LEMD1: variants seen among roughly 807,000 people sequenced by gnomAD.
LEMD1 encodes the protein LEM domain containing 1.
In LEMD1, 18 loss-of-function variants were observed where a neutral mutation model predicts 17.4. The ratio of observed to expected loss-of-function variants is 1.04; its 90% confidence interval spans 0.72 to 1.54. The LOEUF (loss-of-function observed/expected upper bound fraction) is 1.54, where lower values mean the gene tolerates loss of function less well. LEMD1 is among the 40% of genes most tolerant of loss of function. The pLI is 0.00. For synonymous variants in LEMD1, 88 were observed against 77.8 expected (o/e 1.13, Z -0.69); for missense variants, 195 against 210.4 (o/e 0.93, Z 0.45).
intron 4 of LEMD1, among the ~76,000 whole-genome samples, chr1:205,400,852 C>CT (rs1469997081): frequency 1.7e-5 from 2 of 118,944 alleles, no homozygotes; most frequent in African/African-American, 2.9e-5. Flanking sequence ...CTCCCCCCCC[C>CT]CACCCCACAA....
In LEMD1 at chr1:205,418,805, C is replaced by T. The variant is rs541212766; in HGVS notation, c.205+425G>A. 3.3e-5 allele frequency among the ~76,000 whole-genome samples: 5 copies of T among 152,318 alleles called. No individual in the cohort carries two copies. In the East Asian group the frequency reaches 7.7e-4, roughly 23 times the overall value. ...TGCTGGAATTACATGTAGGTGGGAGCCATCAGTGTGGCTCATCTTTCTTAA... is the reference window on the plus strand; with the variant it reads ...TGCTGGAATTACATGTAGGTGGGAGTCATCAGTGTGGCTCATCTTTCTTAA... On this transcript the variant is annotated intron_variant, in intron 3 of 5. Transcript: ENST00000367153.
At chr1:205,412,341 A>T (rs181416142) in intron 4 of LEMD1, among the ~76,000 whole-genome samples, 206 of 152,180 alleles carry the variant, frequency 1.4e-3, no homozygotes, top group Non-Finnish European at 2.4e-3. Context: ...AAAAAAAAAA[A>T]TTTGACCTGG....
intron 5 of LEMD1, among the ~76,000 whole-genome samples, chr1:205,382,720 C>T (rs755865486): frequency 2.6e-5 from 4 of 152,192 alleles, no homozygotes; most frequent in African/African-American, 7.2e-5. Flanking sequence ...CCCAAGTCCT[C>T]GCTGGGAAAT....
At chr1:205,386,308 T>TC (rs1491466904) in intron 4 of LEMD1, 1 of 11,330 alleles carries the variant, frequency 8.8e-5, no homozygotes, top group Non-Finnish European at 1.9e-4. Context: ...TGTGCCCCCT[T>TC]CTTTTTTTTT....
chr1:205,445,287 C>A (rs549667860), intron 1 of LEMD1, among the ~76,000 whole-genome samples: 11 of 152,282 alleles, frequency 7.2e-5, no homozygotes, highest in African/African-American at 2.4e-4. Flanking sequence ...TCTACAAGAC[C>A]GTGTTGATAA....
intron 1 of LEMD1, among the ~76,000 whole-genome samples, chr1:205,445,921 C>A (rs958591594): frequency 9.9e-5 from 15 of 152,174 alleles, no homozygotes; most frequent in African/African-American, 3.6e-4. Context: ...TAGTCAAACT[C>A]TATTTCCACT....
chr1:205,406,701 G>C (rs1665127948), intron 4 of LEMD1, among the ~76,000 whole-genome samples: 1 of 152,176 alleles, frequency 6.6e-6, no homozygotes, highest in Non-Finnish European at 1.5e-5. Flanking sequence ...CGCACATGGT[G>C]CGCTGCACCC....
At chr1:205,402,292 G>T (rs1664889638) in intron 4 of LEMD1, among the ~76,000 whole-genome samples, 1 of 152,130 alleles carries the variant, frequency 6.6e-6, no homozygotes, top group African/African-American at 2.4e-5. Flanking sequence ...ATTACCTTGA[G>T]CAGTATGGCC....
At chr1:205,419,412 G>A in intron 2 of LEMD1, 60 bp from the exon 3 acceptor site, 1 of 1,575,756 alleles carries the variant, frequency 6.3e-7, no homozygotes, top group Non-Finnish European at 8.7e-7. Context: ...GAGCCTACTA[G>A]GTTCAAGGTA....
chr1:205,390,425 G>A (rs1255228182), intron 4 of LEMD1, among the ~76,000 whole-genome samples: 1 of 151,130 alleles, frequency 6.6e-6, no homozygotes, highest in East Asian at 1.9e-4. Flanking sequence ...TAAAAGACAT[G>A]TTCAAAAACC....
At chr1:205,406,411 C>T (rs573672886) in intron 4 of LEMD1, among the ~76,000 whole-genome samples, 11 of 152,362 alleles carry the variant, frequency 7.2e-5, no homozygotes, top group Admixed American at 1.3e-4. Flanking sequence ...TGGGCAATGG[C>T]GGGCGCCCCT....
At chr1:205,430,708 T>G (rs1666113543) in intron 1 of LEMD1, among the ~76,000 whole-genome samples, 1 of 152,144 alleles carries the variant, frequency 6.6e-6, no homozygotes, top group Non-Finnish European at 1.5e-5. Flanking sequence ...CCCCAGGAGC[T>G]TCCCACTCAG....
chr1:205,409,066 CG>C (rs1665263886), intron 4 of LEMD1, among the ~76,000 whole-genome samples: 1 of 151,908 alleles, frequency 6.6e-6, no homozygotes, highest in Non-Finnish European at 1.5e-5. Context: ...CTTGAACTCC[CG>C]GGCTCAAGCA....
chr1:205,405,866 T>C (rs994807284), intron 4 of LEMD1, among the ~76,000 whole-genome samples: 3 of 151,812 alleles, frequency 2.0e-5, no homozygotes, highest in Non-Finnish European at 4.4e-5. Context: ...GATGGTGATG[T>C]ACAGATGGGT....
chr1:205,394,708 G>A (rs996486979), intron 4 of LEMD1, among the ~76,000 whole-genome samples: 1 of 150,312 alleles, frequency 6.7e-6, no homozygotes, highest in Non-Finnish European at 1.5e-5. Context: ...ATTTTATTTT[G>A]AGACCCAGTC....
intron 4 of LEMD1, among the ~76,000 whole-genome samples, chr1:205,407,298 C>A (rs569873283): frequency 3.6e-4 from 53 of 149,066 alleles, no homozygotes; most frequent in African/African-American, 1.3e-3. Context: ...CCATTGCACT[C>A]CAGCCTGGGC....
intron 1 of LEMD1, among the ~76,000 whole-genome samples, chr1:205,438,355 A>C (rs1164451730): frequency 6.6e-6 from 1 of 152,202 alleles, no homozygotes; most frequent in East Asian, 1.9e-4. Flanking sequence ...CTGGGAGAGA[A>C]CCATGGAGAG....
In LEMD1 at chr1:205,420,501, C is replaced by T; in HGVS notation, c.36G>A (p.Leu12=). 6.2e-7 allele frequency: 1 copy of T among 1,614,104 alleles called. No homozygotes were observed. Among genetic ancestry groups the T allele is most frequent in the Non-Finnish European group, 8.5e-7 (1 of 1,179,998 alleles). The part of the protein sequence containing the change: ...VDVKCLSDCK[L]QNQLEKLGFS... ...ATCCAAGCTTCTCAAGTTGGTTCTG[C>T]AATTTACAGTCACTCAGACACTTCA... The change falls in exon 2 of 6, where the codon TTG becomes TTA. Residue 12 remains leucine (L), a synonymous_variant. Transcript: ENST00000367153.
At chr1:205,416,144 C>T (rs1485952019) in intron 4 of LEMD1, 88 bp downstream of exon 4, 7 of 775,338 alleles carry the variant, frequency 9.0e-6, no homozygotes, top group Non-Finnish European at 1.2e-5. Context: ...TAGTGACTTG[C>T]TATCCCCTTT....
Sources: gnomAD v4.1 joint callset for allele counts (sites outside exome capture counted in the v4.1 genomes callset) on GRCh38, gnomAD v4.1.1 for gene constraint, MANE v1.5 for transcripts, NCBI Gene and HGNC (gene_info 2026-07-23, HGNC 2026-07-21) for gene names.